STON1: variants seen among roughly 807,000 people sequenced by gnomAD.
STON1 encodes stonin 1.
STON1 carries 79 observed loss-of-function variants against 60.9 expected under a neutral mutation model. The ratio of observed to expected loss-of-function variants is 1.30; its 90% CI spans 1.08 to 1.56. The LOEUF (loss-of-function observed/expected upper bound fraction) is 1.56, where lower values mean the gene tolerates loss of function less well. STON1 is among the 40% of genes most tolerant of loss of function. The probability of loss-of-function intolerance (pLI) is 0.00; values close to 1 mark genes in which losing one functional copy is unlikely to be tolerated. For synonymous variants in STON1, 363 were observed against 306.9 expected, an observed-to-expected ratio of 1.18 and a Z score of -1.91; for missense variants, 1,166 against 858.9, an observed-to-expected ratio of 1.36 and a Z score of -4.47.
At chr2:48,564,746 T>C (rs1316523641) in intron 1 of STON1, among the ~76,000 whole-genome samples, 2 of 141,512 alleles carry the variant, frequency 1.4e-5, no homozygotes, top group East Asian at 2.0e-4. Flanking sequence ...TTTTTTTTTT[T>C]TTTTAAGATG....
At chr2:48,547,363 G>T (rs766587225) in intron 1 of STON1, among the ~76,000 whole-genome samples, 1 of 149,110 alleles carries the variant, frequency 6.7e-6, no homozygotes, top group Non-Finnish European at 1.5e-5. Context: ...TTCATGACAG[G>T]CCCTTAGCAC....
rs1011905059 is a variant in STON1 at position 48,596,141 on chromosome 2, AT to A, written c.*843del. On this transcript the variant is annotated 3_prime_UTR_variant, in exon 4 of 4. Transcript: ENST00000404752. ...CCAAAAGTACAGACTCTAAGGACAT[AT>A]TTTGATAAAGTATTATTTGTAATGA... 1 of 152,220 alleles carries A rather than the reference AT, an allele frequency of 6.6e-6. No individual in the cohort carries two copies. The highest frequency in any genetic ancestry group is 2.4e-5 in the African/African-American group (1 of 41,462). 9.4% of individuals were successfully genotyped at this position (152,220 alleles called of 1,614,324 possible).
At chr2:48,542,493 A>G (rs1558572798) in intron 1 of STON1, among the ~76,000 whole-genome samples, 1 of 152,244 alleles carries the variant, frequency 6.6e-6, no homozygotes, top group Admixed American at 6.5e-5. Context: ...ATCAAGTGAG[A>G]TAACTGGAAA....
intron 1 of STON1, among the ~76,000 whole-genome samples, chr2:48,556,254 G>C (rs1672349793): frequency 3.6e-5 from 1 of 27,994 alleles, no homozygotes; most frequent in African/African-American, 1.2e-4. Flanking sequence ...GGGGCGGCTG[G>C]CCGGGCAGAG....
At chr2:48,576,683 C>G (rs1232669680) in intron 1 of STON1, among the ~76,000 whole-genome samples, 1 of 152,064 alleles carries the variant, frequency 6.6e-6, no homozygotes, top group Non-Finnish European at 1.5e-5. Context: ...TTGCCAATTA[C>G]TAAATTGCAT....
Position 48,580,785 on chromosome 2 carries a change from C to T in STON1, c.152C>T (p.Pro51Leu). ...AACCTTCCTGGCCTCAGGGAATTTC[C>T]CAGTGGATCTTCCTCCACCAGCAGC... Reference protein sequence around the residue: ...KLNLPGLREFPSGSSSTSSTP... With the variant: ...KLNLPGLREFLSGSSSTSSTP... The change falls in exon 2 of 4, where the codon CCC (proline) becomes CTC (leucine). Residue 51 changes from proline to leucine, a missense_variant. Physicochemically the swap from Pro to Leu is moderately conservative, Grantham distance 98. Transcript: ENST00000404752. 1 of 1,556,270 alleles carries T rather than the reference C, an allele frequency of 6.4e-7. No homozygotes were observed. Among genetic ancestry groups the T allele is most frequent in the South Asian group, 1.2e-5 (1 of 80,710 alleles).
rs201190137 is a variant in STON1, at chr2:48,582,359, T to C, written c.1726T>C (p.Ser576Pro). The C allele has an allele frequency of 1.9e-4, 308 of 1,614,076 alleles. No individual in the cohort carries two copies. Among genetic ancestry groups the C allele is most frequent in the Non-Finnish European group, 2.3e-4 (274 of 1,180,046 alleles). Residue 576 changes from serine to proline, a missense_variant, in exon 2 of 4, where the codon TCG (serine) becomes CCG (proline). Transcript: ENST00000404752. Reference protein sequence around the residue: ...DNIRIHFPVPSQWIKALWTMN... With the variant: ...DNIRIHFPVPPQWIKALWTMN... ...TATAAGGATACACTTTCCTGTCCCA[T>C]CGCAGTGGATCAAGGCCCTTTGGAC...
chr2:48,542,470 G>T (rs116688351), intron 1 of STON1, among the ~76,000 whole-genome samples: 3 of 152,088 alleles, frequency 2.0e-5, no homozygotes, highest in Non-Finnish European at 2.9e-5. Context: ...CACCTCAAAA[G>T]GTTGTTCTGA....
At chr2:48,591,172 A>C (rs1052550366) in intron 2 of STON1, among the ~76,000 whole-genome samples, 66 of 150,694 alleles carry the variant, frequency 4.4e-4, no homozygotes, top group African/African-American at 1.6e-3. Flanking sequence ...GTTTAAGCAT[A>C]TTACTATATT....
In STON1 at chr2:48,582,115, A is replaced by C; in HGVS notation, c.1482A>C (p.Gln494His). 6.2e-7 allele frequency: 1 copy of C among 1,614,254 alleles called. No homozygotes were observed. The highest frequency in any genetic ancestry group is 8.5e-7 in the Non-Finnish European group (1 of 1,180,052). ...DYHFHKCVNV[Q>H]EFEQSRIIKF... ...ATTTTCATAAGTGTGTGAATGTACA[A>C]GAATTTGAGCAATCAAGAATCATTA... Residue 494 changes from glutamine to histidine, a missense_variant, in exon 2 of 4, where the codon CAA (glutamine) becomes CAC (histidine). Gln to His is a conservative substitution (Grantham distance 24). Coordinates refer to ENST00000404752, the MANE Select transcript of STON1 (RefSeq NM_006873.4).
chr2:48,564,461 CTT>C (rs1414285258), intron 1 of STON1, among the ~76,000 whole-genome samples: 5 of 54,512 alleles, frequency 9.2e-5, no homozygotes, highest in African/African-American at 3.5e-4. Flanking sequence ...TCTTCTTCTT[CTT>C]CTTCTTCTTC....
chr2:48,549,937 C>T (rs965855990), intron 1 of STON1, among the ~76,000 whole-genome samples: 26 of 151,950 alleles, frequency 1.7e-4, no homozygotes, highest in Admixed American at 1.3e-4. Flanking sequence ...AGGCCAGCTC[C>T]AGCTGAGCAG....
chr2:48,549,704 T>G (rs1672011351), intron 1 of STON1, among the ~76,000 whole-genome samples: 1 of 147,234 alleles, frequency 6.8e-6, no homozygotes, highest in Non-Finnish European at 1.5e-5. Context: ...CCCAGCTACT[T>G]GGGAAGCTGA....
At chr2:48,558,573 G>T (rs769762190) in intron 1 of STON1, among the ~76,000 whole-genome samples, 2 of 152,222 alleles carry the variant, frequency 1.3e-5, no homozygotes, top group African/African-American at 2.4e-5. Flanking sequence ...CACAGTGTGT[G>T]TAATTGGATT....
intron 1 of STON1, among the ~76,000 whole-genome samples, chr2:48,567,012 G>A (rs79760528): frequency 0.066 from 9,949 of 151,310 alleles, 461 homozygotes; most frequent in Non-Finnish European, 0.1. Context: ...ATTAGAACAA[G>A]GTAAAAAAAA....
intron 1 of STON1, among the ~76,000 whole-genome samples, chr2:48,544,693 C>A (rs1052852440): frequency 6.6e-6 from 1 of 152,014 alleles, no homozygotes; most frequent in Non-Finnish European, 1.5e-5. Flanking sequence ...TTACAGGCAC[C>A]CACCACCATG....
chr2:48,547,626 C>T (rs980941852), intron 1 of STON1, among the ~76,000 whole-genome samples: 1 of 152,210 alleles, frequency 6.6e-6, no homozygotes, highest in African/African-American at 2.4e-5. Flanking sequence ...GTGCCCTGCT[C>T]TCAGGGAAGA....
At chr2:48,557,535 C>T (rs1360924802) in intron 1 of STON1, among the ~76,000 whole-genome samples, 2 of 111,808 alleles carry the variant, frequency 1.8e-5, no homozygotes, top group Non-Finnish European at 3.8e-5. Context: ...GACGGGGTGG[C>T]GGCCGGGCAG....
Position 48,582,204 on chromosome 2 carries a change from A to T in STON1, c.1571A>T (p.Asp524Val). The change falls in exon 2 of 4, where the codon GAT (aspartate) becomes GTT (valine). Residue 524 changes from aspartate to valine, a missense_variant. Coordinates refer to ENST00000404752, the MANE Select transcript of STON1 (RefSeq NM_006873.4). ...LMRFKTLYNG[D>V]NLPFSLKSVV... ...CGTTTCAAGACTTTGTATAATGGGG[A>T]TAATCTTCCCTTTTCCTTGAAGTCT... 6.2e-7 allele frequency: 1 copy of T among 1,614,176 alleles called. No individual in the cohort carries two copies. The highest frequency in any genetic ancestry group is 8.5e-7 in the Non-Finnish European group (1 of 1,180,034).
Sources: allele counts gnomAD v4.1 joint callset (sites outside exome capture counted in the v4.1 genomes callset), GRCh38; gene constraint gnomAD v4.1.1; transcripts MANE v1.5; gene names NCBI Gene and HGNC (gene_info 2026-07-23, HGNC 2026-07-21).